The following RCL1 variants were observed in gnomAD, a reference collection of about 807,000 sequenced individuals.
RCL1 encodes the protein RNA 3'-terminal phosphate cyclase-like protein.
Under a neutral mutation model 42.4 loss-of-function variants are expected in RCL1, and 24 were observed. That is an observed-to-expected ratio of 0.57 (90% CI 0.41 to 0.80). The LOEUF (loss-of-function observed/expected upper bound fraction) is 0.80, where lower values mean the gene tolerates loss of function less well. Ranked by LOEUF, RCL1 falls within the 30% of genes least tolerant of loss-of-function variation. RCL1 has a pLI of 0.00. For synonymous variants in RCL1, 228 were observed against 177.3 expected (o/e 1.29, Z -2.27); for missense variants, 578 against 467.9 (o/e 1.24, Z -2.17).
chr9:4,799,047 C>G (rs187085121), intron 1 of RCL1, among the ~76,000 whole-genome samples: 1,080 of 106,230 alleles, frequency 0.01, 24 homozygotes, highest in African/African-American at 0.036. Context: ...CTTCCCCCCT[C>G]TCTCCCTCCC....
At chr9:4,833,401 C>T (rs1012447464) in intron 4 of RCL1, among the ~76,000 whole-genome samples, 173 bp downstream of exon 4, 2 of 152,152 alleles carry the variant, frequency 1.3e-5, no homozygotes, top group Admixed American at 1.3e-4. Context: ...GAAAGGGACC[C>T]TTTAGTAATA....
intron 5 of RCL1, chr9:4,839,605 T>A (rs1389273811): frequency 1.0e-6 from 1 of 954,016 alleles, no homozygotes; most frequent in Non-Finnish European, 1.2e-6. Flanking sequence ...CTGTCTGTGG[T>A]CAAAAGTACA....
intron 3 of RCL1, chr9:4,827,248 G>A: frequency 6.7e-7 from 1 of 1,482,034 alleles, no homozygotes; most frequent in Non-Finnish European, 8.9e-7. Flanking sequence ...AGTTACCAAG[G>A]TGCCTTTTGT....
At chr9:4,850,536 A>G (rs1289461994) in intron 8 of RCL1, among the ~76,000 whole-genome samples, 2 of 56,970 alleles carry the variant, frequency 3.5e-5, no homozygotes, top group African/African-American at 1.4e-4. Context: ...AGGTTTTTTT[A>G]GAACAGGAAA....
chr9:4,833,248 T>C lies in RCL1; in HGVS notation c.459+20T>C, dbSNP rs777932657. 1.3e-6 allele frequency: 2 copies of C among 1,568,008 alleles called. No homozygotes were observed. Among genetic ancestry groups the C allele is most frequent in the East Asian group, 4.5e-5 (2 of 44,668 alleles). On this transcript the variant is annotated intron_variant, in intron 4 of 8. Coordinates refer to ENST00000381750, the MANE Select transcript of RCL1 (RefSeq NM_005772.5). Reference sequence around the variant, plus strand: ...CTGAAGGTAAGAATGTTTGAACTGTTGACCATATGTTCCTGTGGAAAACAT... The same window carrying C: ...CTGAAGGTAAGAATGTTTGAACTGTCGACCATATGTTCCTGTGGAAAACAT...
intron 3 of RCL1, among the ~76,000 whole-genome samples, chr9:4,832,805 C>CAA (rs34915834): frequency 0.013 from 501 of 38,906 alleles, 21 homozygotes; most frequent in African/African-American, 0.022. Context: ...AGATTCCACT[C>CAA]AAAAAAAAAA....
chr9:4,840,050 A>C (rs1817263248), intron 5 of RCL1, among the ~76,000 whole-genome samples: 1 of 151,376 alleles, frequency 6.6e-6, no homozygotes, highest in Non-Finnish European at 1.5e-5. Flanking sequence ...TCTAACAACA[A>C]GATATGGGAG....
intron 3 of RCL1, among the ~76,000 whole-genome samples, chr9:4,832,759 G>T (rs1816982519): frequency 7.9e-6 from 1 of 127,248 alleles, no homozygotes. Context: ...AGTGAGCCTA[G>T]ATCGCGCCAC....
At chr9:4,810,787 T>A (rs1244754442) in intron 1 of RCL1, among the ~76,000 whole-genome samples, 1 of 152,224 alleles carries the variant, frequency 6.6e-6, no homozygotes, top group Non-Finnish European at 1.5e-5. Context: ...CACTTGGTAT[T>A]GCCAGTCTGT....
At chr9:4,802,454 A>G (rs888229522) in intron 1 of RCL1, among the ~76,000 whole-genome samples, 3 of 152,178 alleles carry the variant, frequency 2.0e-5, no homozygotes, top group African/African-American at 7.2e-5. Context: ...TGTCGTCTTT[A>G]TTATGTTGAG....
At chr9:4,809,000 A>G (rs1395824391) in intron 1 of RCL1, among the ~76,000 whole-genome samples, 2 of 152,120 alleles carry the variant, frequency 1.3e-5, no homozygotes, top group African/African-American at 4.8e-5. Context: ...CTCACCAATC[A>G]TATTCCCAAG....
At chr9:4,830,210 C>T (rs1044794202) in intron 3 of RCL1, among the ~76,000 whole-genome samples, 1 of 152,148 alleles carries the variant, frequency 6.6e-6, no homozygotes, top group Non-Finnish European at 1.5e-5. Context: ...AGTATAAGGA[C>T]AGGAACAGAC....
intron 1 of RCL1, among the ~76,000 whole-genome samples, chr9:4,807,799 G>C (rs1374373840): frequency 2.0e-5 from 3 of 152,186 alleles, no homozygotes; most frequent in Non-Finnish European, 2.9e-5. Flanking sequence ...GATTACAGGC[G>C]TGAGCCCCCG....
At chr9:4,813,858 A>AT (rs1427885182) in intron 1 of RCL1, among the ~76,000 whole-genome samples, 1 of 152,266 alleles carries the variant, frequency 6.6e-6, no homozygotes, top group East Asian at 1.9e-4. Flanking sequence ...CTGTGCAGCC[A>AT]TAAAAAATGA....
intron 8 of RCL1, among the ~76,000 whole-genome samples, chr9:4,850,070 G>C (rs1017043540): frequency 5.3e-5 from 8 of 152,208 alleles, no homozygotes; most frequent in African/African-American, 1.9e-4. Flanking sequence ...TGGTGTAAAA[G>C]CAAGCACTCT....
chr9:4,842,767 G>T (rs1361725985), intron 6 of RCL1, among the ~76,000 whole-genome samples: 1 of 152,152 alleles, frequency 6.6e-6, no homozygotes, highest in Non-Finnish European at 1.5e-5. Context: ...GCTATTTTCT[G>T]GAGAAAGGGG....
chr9:4,836,085 C>G (rs1422588067), intron 5 of RCL1, among the ~76,000 whole-genome samples: 2 of 152,022 alleles, frequency 1.3e-5, no homozygotes, highest in Non-Finnish European at 2.9e-5. Context: ...TAAAGATGTG[C>G]CTTCACAGGG....
At chr9:4,818,535 C>T (rs192548368) in intron 1 of RCL1, among the ~76,000 whole-genome samples, 6 of 152,236 alleles carry the variant, frequency 3.9e-5, no homozygotes, top group Middle Eastern at 3.4e-3. Flanking sequence ...AGGAATGACT[C>T]CTAATTTTGC....
chr9:4,805,288 C>T (rs889756452), intron 1 of RCL1, among the ~76,000 whole-genome samples: 1 of 152,118 alleles, frequency 6.6e-6, no homozygotes, highest in African/African-American at 2.4e-5. Flanking sequence ...CTTGAGGAGG[C>T]TGAGGCAGGA....
Sources: allele counts gnomAD v4.1 joint callset (sites outside exome capture counted in the v4.1 genomes callset), GRCh38; gene constraint gnomAD v4.1.1; transcripts MANE v1.5; gene names NCBI Gene and HGNC (gene_info 2026-07-23, HGNC 2026-07-21).